The following FNTB variants were observed in gnomAD, a reference collection of about 807,000 sequenced individuals.
FNTB encodes protein farnesyltransferase subunit beta.
A neutral mutation model predicts 59.4 loss-of-function variants in FNTB; 27 were observed. That is an observed-to-expected ratio of 0.45 (90% CI 0.34 to 0.63). The LOEUF is 0.63. Among genes scored for constraint, FNTB ranks in the 20% least tolerant of loss-of-function variants. The pLI, the probability that FNTB is intolerant of heterozygous loss-of-function variation, is 0.02. For synonymous variants in FNTB, 230 were observed against 220.7 expected (o/e 1.04, Z -0.37); for missense variants, 449 against 559.6 (o/e 0.80, Z 1.99).
At chr14:65,039,299 G>T (rs917967777) in intron 7 of FNTB, among the ~76,000 whole-genome samples, 5 of 152,188 alleles carry the variant, frequency 3.3e-5, no homozygotes, top group African/African-American at 1.2e-4. Flanking sequence ...CAGAGGAATG[G>T]GGCTGGGGGT....
At position 65,027,622 on chromosome 14, in the gene FNTB, CAG is replaced by C; in HGVS notation, c.521+25_521+26del. On this transcript the variant is annotated intron_variant, in intron 5 of 11. Transcript: ENST00000246166. The surrounding 1 kb of genome is among the most constrained non-coding windows in gnomAD (Gnocchi z 5.7). ...CAGGTACAGTGAAAGCCAGCAGTGA[CAG>C]AAACCTAGAGGAGTTCCCCGCCTGC... 1 of 1,614,086 alleles carries C rather than the reference CAG, an allele frequency of 6.2e-7. No homozygotes were observed. Among genetic ancestry groups the C allele is most frequent in the East Asian group, 2.2e-5 (1 of 44,878 alleles).
intron 4 of FNTB, among the ~76,000 whole-genome samples, chr14:65,024,063 C>G (rs1255420612): frequency 6.6e-6 from 1 of 150,772 alleles, no homozygotes; most frequent in Non-Finnish European, 1.5e-5. Flanking sequence ...GATCGCTCAA[C>G]TGCACTCCAG....
At chr14:65,039,853 G>C (rs2062305736) in intron 7 of FNTB, among the ~76,000 whole-genome samples, 1 of 152,004 alleles carries the variant, frequency 6.6e-6, no homozygotes, top group African/African-American at 2.4e-5. Flanking sequence ...TGAACAAATA[G>C]AAAAACAAAA....
rs1232569358 is a variant in FNTB at position 65,023,164 on chromosome 14, TC to T, written c.375-4287del. 2.0e-5 allele frequency among the ~76,000 whole-genome samples: 3 copies of T among 152,160 alleles called. No homozygotes were observed. The highest frequency in any genetic ancestry group is 4.4e-5 in the Non-Finnish European group (3 of 68,020). ...CCTGGACTTCCCCAAGCTCAAGTGA[TC>T]CTCCCACCTCAGCCTCCTGAGTAGC... is the stretch of plus-strand genomic sequence containing the variant. On this transcript the variant is annotated intron_variant, in intron 4 of 11. Transcript: ENST00000246166. The surrounding 1 kb of genome is among the most constrained non-coding windows in gnomAD (Gnocchi z 4.1).
In FNTB at chr14:65,009,570, C is replaced by T. The variant is rs2061652954; in HGVS notation, c.210-2747C>T. ...CTCGCTCAAAGAATGCAGCATCCTT[C>T]CTTATTCCAGGCTCACCTCTCCTAC... On this transcript the variant is annotated intron_variant, in intron 2 of 11. Transcript: ENST00000246166. This position sits in a 1 kb window ranked among gnomAD's most constrained non-coding sequence, Gnocchi z 4.2. Among the ~76,000 whole-genome samples, 1 of 152,140 alleles carries T rather than the reference C, an allele frequency of 6.6e-6. No individual in the cohort carries two copies. The highest frequency in any genetic ancestry group is 6.5e-5 in the Admixed American group (1 of 15,268).
chr14:64,993,237 G>T (rs1441682697), intron 1 of FNTB, among the ~76,000 whole-genome samples: 3 of 152,146 alleles, frequency 2.0e-5, no homozygotes, highest in Admixed American at 6.5e-5. Flanking sequence ...GAGACAGCCT[G>T]GGCAACAGGG....
In FNTB at chr14:64,999,607, A is replaced by G. The variant is rs146295011; in HGVS notation, c.145-4642A>G. Reference sequence around the variant, plus strand: ...GAAGTCATTGATTTGTGCAGTTTAAATGAGTGAGTTGAATGGTATATGAAT... The same window carrying G: ...GAAGTCATTGATTTGTGCAGTTTAAGTGAGTGAGTTGAATGGTATATGAAT... On this transcript the variant is annotated intron_variant, in intron 1 of 11. Transcript: ENST00000246166. 6.3e-3 allele frequency among the ~76,000 whole-genome samples: 956 copies of G among 152,340 alleles called. 6 individuals carry two copies. Among genetic ancestry groups the G allele is most frequent in the Non-Finnish European group, 0.01 (688 of 68,026 alleles).
chr14:65,026,282 C>T (rs1459306185), intron 4 of FNTB, among the ~76,000 whole-genome samples: 7 of 152,168 alleles, frequency 4.6e-5, no homozygotes, highest in African/African-American at 7.2e-5. Context: ...CGGAAGACCC[C>T]GGACTGATGA....
chr14:65,031,447 A>G lies in FNTB; in HGVS notation c.606-1163A>G, dbSNP rs536240925. Among the ~76,000 whole-genome samples, 1 of 151,568 alleles carries G rather than the reference A, an allele frequency of 6.6e-6. No individual in the cohort carries two copies. The highest frequency in any genetic ancestry group is 6.6e-5 in the Admixed American group (1 of 15,244). On this transcript the variant is annotated intron_variant, in intron 6 of 11. Coordinates refer to ENST00000246166, the MANE Select transcript of FNTB (RefSeq NM_002028.4). The surrounding 1 kb of genome is among the most constrained non-coding windows in gnomAD (Gnocchi z 4.6). ...GTTCTCCTGCCTCAGCCTCCCAAGT[A>G]GTTGGGACTACGGGCACACGCCACC...
At chr14:64,992,010 C>T (rs573618692) in intron 1 of FNTB, among the ~76,000 whole-genome samples, 62 of 152,132 alleles carry the variant, frequency 4.1e-4, no homozygotes, top group Non-Finnish European at 7.4e-4. Flanking sequence ...TCCTGACCTG[C>T]TGTTGACTTA....
rs572319066 is a variant in FNTB, at chr14:65,031,817, A to C, written c.606-793A>C. Among the ~76,000 whole-genome samples the C allele has an allele frequency of 1.3e-5, 2 of 152,088 alleles. No homozygotes were observed. Among genetic ancestry groups the C allele is most frequent in the African/African-American group, 4.8e-5 (2 of 41,452 alleles). ...GCGCCTGTAATCCCAGCTACTTGGG[A>C]GGCTGATACAGGAGAATTGCTTGAA... On this transcript the variant is annotated intron_variant, in intron 6 of 11. Transcript: ENST00000246166. The surrounding 1 kb of genome is among the most constrained non-coding windows in gnomAD (Gnocchi z 4.6).
At chr14:65,017,555 G>A (rs370943114) in intron 4 of FNTB, among the ~76,000 whole-genome samples, 4 of 152,176 alleles carry the variant, frequency 2.6e-5, no homozygotes, top group East Asian at 1.9e-4. Context: ...TGTCAGCGCC[G>A]CTTCTGGGGC....
chr14:65,005,098 C>T (rs760590838), intron 2 of FNTB, among the ~76,000 whole-genome samples: 1 of 152,198 alleles, frequency 6.6e-6, no homozygotes, highest in African/African-American at 2.4e-5. Flanking sequence ...TAATTGTGTT[C>T]CATATCCCAA....
In FNTB at chr14:65,047,978, ATTTTTTTTTTT is replaced by A. The variant is rs34879850; in HGVS notation, c.955+3552_955+3562del. 4.7e-5 allele frequency among the ~76,000 whole-genome samples: 3 copies of A among 64,148 alleles called. No homozygotes were observed. The highest frequency in any genetic ancestry group is 5.1e-4 in the East Asian group (1 of 1,956). The allele number at this position is 64,148 out of a possible 152,430, so 42.1% of individuals were successfully genotyped here. On this transcript the variant is annotated intron_variant, in intron 9 of 11. Coordinates refer to ENST00000246166, the MANE Select transcript of FNTB (RefSeq NM_002028.4). The surrounding 1 kb of genome is among the most constrained non-coding windows in gnomAD (Gnocchi z 5.2). Reference sequence around the variant, plus strand: ...AGACAGAAGGAGGGAGACTTTTTAGATTTTTTTTTTTTTTTTTTTTTTTTTTTGAGACAGAG... The same window carrying A: ...AGACAGAAGGAGGGAGACTTTTTAGATTTTTTTTTTTTTTTTGAGACAGAG...
chr14:65,034,819 T>C (rs1160886116), intron 7 of FNTB, among the ~76,000 whole-genome samples: 1 of 152,234 alleles, frequency 6.6e-6, no homozygotes, highest in Non-Finnish European at 1.5e-5. Flanking sequence ...TCCATGAGTC[T>C]TCCTGTGCTG....
chr14:64,988,687 C>T (rs1170640102), intron 1 of FNTB, among the ~76,000 whole-genome samples: 3 of 152,096 alleles, frequency 2.0e-5, no homozygotes, highest in African/African-American at 7.2e-5. Flanking sequence ...CCTCCTCGGC[C>T]TCCTAGAGTG....
At chr14:65,016,743 TAAAG>T (rs1457242382) in intron 4 of FNTB, among the ~76,000 whole-genome samples, 1 of 152,142 alleles carries the variant, frequency 6.6e-6, no homozygotes, top group Non-Finnish European at 1.5e-5. Context: ...GGGAAGATAA[TAAAG>T]AATTAGGCCA....
rs2062097004 is a variant in FNTB, at chr14:65,032,015, T to TGTGTGTAC, written c.606-591_606-590insGTACGTGT. On this transcript the variant is annotated intron_variant, in intron 6 of 11. Transcript: ENST00000246166. The surrounding 1 kb of genome is among the most constrained non-coding windows in gnomAD (Gnocchi z 5.0). ...GTGTGTGTGTGTGTGTGTGTGTGTG[T>TGTGTGTAC]GTGTACTGGTGAGAGGTTTGAAATC... Among the ~76,000 whole-genome samples, 1 of 149,746 alleles carries TGTGTGTAC rather than the reference T, an allele frequency of 6.7e-6. No individual in the cohort carries two copies. The highest frequency in any genetic ancestry group is 1.5e-5 in the Non-Finnish European group (1 of 66,956).
chr14:65,019,399 A>C lies in FNTB; in HGVS notation c.374+3683A>C, dbSNP rs890033721. On this transcript the variant is annotated intron_variant, in intron 4 of 11. Transcript: ENST00000246166. Reference sequence around the variant, plus strand: ...CTACTCGGGAGACTGAAGCAGGAGAATTGCTTGAATCCGGGAGGCAGAGGT... The same window carrying C: ...CTACTCGGGAGACTGAAGCAGGAGACTTGCTTGAATCCGGGAGGCAGAGGT... Among the ~76,000 whole-genome samples the C allele has an allele frequency of 9.6e-5, 14 of 145,606 alleles. No homozygotes were observed. In the South Asian group the frequency reaches 1.8e-3, roughly 18 times the overall value.
Sources: allele counts gnomAD v4.1 joint callset (sites outside exome capture counted in the v4.1 genomes callset), GRCh38; gene constraint gnomAD v4.1.1; non-coding constraint Gnocchi (gnomAD v3.1); transcripts MANE v1.5; gene names NCBI Gene and HGNC (gene_info 2026-07-23, HGNC 2026-07-21).